ARAP1: variants seen among roughly 807,000 people sequenced by gnomAD.
ARAP1 encodes arf-GAP with Rho-GAP domain, ANK repeat and PH domain-containing protein 1.
In ARAP1, 76 loss-of-function variants were observed where a neutral mutation model predicts 172.2. That is an observed-to-expected ratio of 0.44 (90% CI 0.37 to 0.53). The LOEUF is 0.53. ARAP1 is among the 20% of genes least tolerant of loss of function. The pLI, the probability that ARAP1 is intolerant of heterozygous loss-of-function variation, is 0.00. For synonymous variants in ARAP1, 804 were observed against 803.3 expected (o/e 1.00, Z -0.01); for missense variants, 1,686 against 1,977.5 (o/e 0.85, Z 2.80).
intron 1 of ARAP1, among the ~76,000 whole-genome samples, chr11:72,747,146 G>A (rs1389727585): frequency 1.3e-5 from 2 of 152,214 alleles, no homozygotes; most frequent in African/African-American, 2.4e-5. Context: ...AAGATTCCAG[G>A]TGTGACCCCT....
intron 3 of ARAP1, chr11:72,721,735 G>A: frequency 1.1e-6 from 1 of 883,220 alleles, no homozygotes; most frequent in Non-Finnish European, 1.4e-6. Flanking sequence ...AGAGAAGGGG[G>A]AGGAGAGCAG....
In ARAP1 at chr11:72,693,182, A is replaced by G; in HGVS notation, c.3954+143T>C. On this transcript the variant is annotated intron_variant, in intron 29 of 34. Coordinates refer to ENST00000393609, the MANE Select transcript of ARAP1 (RefSeq NM_001040118.3). This position sits in a 1 kb window ranked among gnomAD's most constrained non-coding sequence, Gnocchi z 4.6. ...CAGGGCCACAGCAGGAGGGGTCTTG[A>G]GAGTCTACAGTTCTCCCCCACTGCT... 9 of 1,275,456 alleles carry G rather than the reference A, an allele frequency of 7.1e-6. No individual in the cohort carries two copies. Among genetic ancestry groups the G allele is most frequent in the Non-Finnish European group, 9.6e-6 (9 of 940,004 alleles). The allele number at this position is 1,275,456 out of a possible 1,614,324, so 79.0% of individuals were successfully genotyped here.
At chr11:72,713,612 C>A (rs1313147025) in intron 4 of ARAP1, among the ~76,000 whole-genome samples, 1 of 152,130 alleles carries the variant, frequency 6.6e-6, no homozygotes, top group African/African-American at 2.4e-5. Context: ...CTTTGGGAGG[C>A]TGAGGTGGGC....
chr11:72,734,264 G>A (rs1010976779), intron 1 of ARAP1, among the ~76,000 whole-genome samples: 12 of 152,170 alleles, frequency 7.9e-5, no homozygotes, highest in South Asian at 4.1e-4. Flanking sequence ...GGAACTACAA[G>A]TGCATGCCAC....
chr11:72,686,247 C>A, intron 33 of ARAP1, 56 bp from the exon 34 acceptor site: 1 of 1,569,394 alleles, frequency 6.4e-7, no homozygotes, highest in Non-Finnish European at 8.7e-7. Context: ...AGACACTCAG[C>A]CTCAGATCTG....
chr11:72,732,075 G>A (rs552209018), intron 2 of ARAP1, among the ~76,000 whole-genome samples: 7 of 152,114 alleles, frequency 4.6e-5, no homozygotes, highest in Admixed American at 1.3e-4. Flanking sequence ...TTTGGGGAGG[G>A]GAATTGACAG....
intron 2 of ARAP1, among the ~76,000 whole-genome samples, chr11:72,731,253 G>A (rs1197503578): frequency 2.0e-5 from 3 of 152,160 alleles, no homozygotes; most frequent in African/African-American, 7.2e-5. Context: ...TGGTTTGGAT[G>A]TTTGTCCCCT....
At position 72,690,829 on chromosome 11, in the gene ARAP1, C is replaced by A. The variant is rs532865610; in HGVS notation, c.3987+1924G>T. On this transcript the variant is annotated intron_variant, in intron 30 of 34. Coordinates refer to ENST00000393609, the MANE Select transcript of ARAP1 (RefSeq NM_001040118.3). ...GTGCCTTTTCCAGGTGCCTCAGGGT[C>A]TTTAACAAGAGGAGACCCCCAGGAT... 1.4e-3 allele frequency among the ~76,000 whole-genome samples: 216 copies of A among 152,348 alleles called. 3 individuals carry two copies. The highest frequency in any genetic ancestry group is 0.014 in the Admixed American group (207 of 15,306).
In ARAP1 at chr11:72,733,629, G is replaced by A. The variant is rs1857929975; in HGVS notation, c.-127-1032C>T. Among the ~76,000 whole-genome samples, 3 of 152,260 alleles carry A rather than the reference G, an allele frequency of 2.0e-5. No individual in the cohort carries two copies. In the South Asian group the frequency reaches 6.2e-4, roughly 32 times the overall value. ...TGGCATGGACAGGTCTCCCTCCCCA[G>A]GACCTGGAACAGTCAGGTCTGCCAA... is the stretch of plus-strand genomic sequence containing the variant. On this transcript the variant is annotated intron_variant, in intron 1 of 34. Coordinates refer to ENST00000393609, the MANE Select transcript of ARAP1 (RefSeq NM_001040118.3).
intron 2 of ARAP1, among the ~76,000 whole-genome samples, chr11:72,729,818 G>A (rs1857804273): frequency 6.6e-6 from 1 of 151,286 alleles, no homozygotes; most frequent in Non-Finnish European, 1.5e-5. Context: ...GTGAGGATGA[G>A]GTGGGAGAAT....
chr11:72,742,848 T>C (rs1858242015), intron 1 of ARAP1, among the ~76,000 whole-genome samples: 1 of 152,172 alleles, frequency 6.6e-6, no homozygotes, highest in South Asian at 2.1e-4. Flanking sequence ...CCCAGTGACT[T>C]GCCACCTCCC....
intron 1 of ARAP1, among the ~76,000 whole-genome samples, chr11:72,737,432 G>A (rs1468273999): frequency 2.0e-5 from 3 of 151,960 alleles, no homozygotes; most frequent in Non-Finnish European, 2.9e-5. Flanking sequence ...CCCCTTCTCT[G>A]TCCCAGCCCA....
intron 1 of ARAP1, among the ~76,000 whole-genome samples, chr11:72,744,143 T>A (rs1336122709): frequency 1.3e-5 from 2 of 149,728 alleles, no homozygotes; most frequent in African/African-American, 5.1e-5. Context: ...ACACCAGATG[T>A]CACCATCTGT....
At position 72,713,172 on chromosome 11, in the gene ARAP1, C is replaced by T; in HGVS notation, c.747+4G>A. 2.5e-6 allele frequency: 4 copies of T among 1,613,840 alleles called. No homozygotes were observed. The highest frequency in any genetic ancestry group is 3.4e-6 in the Non-Finnish European group (4 of 1,179,826). ...CAGGCAGACAGTCCCATGCCTGGCC[C>T]CACCTTCTTGGTCATCACTCTGGCT... On this transcript the variant is annotated splice_donor_region_variant and intron_variant, in intron 5 of 34. Coordinates refer to ENST00000393609, the MANE Select transcript of ARAP1 (RefSeq NM_001040118.3).
chr11:72,733,987 A>G (rs555244110), intron 1 of ARAP1, among the ~76,000 whole-genome samples: 1 of 151,998 alleles, frequency 6.6e-6, no homozygotes, highest in East Asian at 1.9e-4. Context: ...CACCATGCCC[A>G]GCTAATTTTT....
chr11:72,740,020 G>A (rs1565232658), intron 1 of ARAP1, among the ~76,000 whole-genome samples: 1 of 152,208 alleles, frequency 6.6e-6, no homozygotes, highest in Non-Finnish European at 1.5e-5. Context: ...GGGAGCAGGG[G>A]GAGAAGAGCT....
At position 72,699,835 on chromosome 11, in the gene ARAP1, G is replaced by T. The variant is rs1856394185; in HGVS notation, c.2303-283C>A. ...ACCAAAACCATTCCATGGTCCTCAGGACAGACTCTGTGCCCCTCAGCCTGC... is the reference window on the plus strand; with the variant it reads ...ACCAAAACCATTCCATGGTCCTCAGTACAGACTCTGTGCCCCTCAGCCTGC... On this transcript the variant is annotated intron_variant, in intron 16 of 34. Coordinates refer to ENST00000393609, the MANE Select transcript of ARAP1 (RefSeq NM_001040118.3). This position sits in a 1 kb window ranked among gnomAD's most constrained non-coding sequence, Gnocchi z 4.2. Among the ~76,000 whole-genome samples the T allele has an allele frequency of 1.3e-5, 2 of 152,058 alleles. No homozygotes were observed.
intron 11 of ARAP1, 89 bp from the exon 12 acceptor site, chr11:72,707,463 A>G: frequency 1.5e-6 from 2 of 1,303,950 alleles, no homozygotes. Context: ...AGTGGGGGAC[A>G]AGGTGTTGGG....
chr11:72,750,626 G>C (rs1322758688), intron 1 of ARAP1, among the ~76,000 whole-genome samples: 1 of 152,178 alleles, frequency 6.6e-6, no homozygotes, highest in African/African-American at 2.4e-5. Context: ...TATTGCCCCA[G>C]CACCGTCTCT....
Sources: gnomAD v4.1 joint callset for allele counts (sites outside exome capture counted in the v4.1 genomes callset) on GRCh38, gnomAD v4.1.1 for gene constraint, Gnocchi (gnomAD v3.1) non-coding constraint, MANE v1.5 for transcripts, NCBI Gene and HGNC (gene_info 2026-07-23, HGNC 2026-07-21) for gene names.